The following WDPCP variants were observed in gnomAD, a reference collection of about 807,000 sequenced individuals.
The protein encoded by WDPCP is WD repeat containing planar cell polarity effector.
In WDPCP, 71 loss-of-function variants were observed where a neutral mutation model predicts 93.1. The ratio of observed to expected loss-of-function variants is 0.76; its 90% CI spans 0.63 to 0.93. The LOEUF (loss-of-function observed/expected upper bound fraction) is 0.93. Among genes scored for constraint, WDPCP ranks in the 40% least tolerant of loss-of-function variants. The pLI, the probability that WDPCP is intolerant of heterozygous loss-of-function variation, is 0.00. For missense variants in WDPCP, 844 were observed against 887.4 expected (o/e 0.95, Z 0.62); for synonymous variants, 315 against 315.0 (o/e 1.00, Z 0.00).
At chr2:63,569,845 G>C (rs1030158331) in intron 1 of WDPCP, among the ~76,000 whole-genome samples, 12 of 152,156 alleles carry the variant, frequency 7.9e-5, no homozygotes, top group Non-Finnish European at 1.3e-4. Context: ...AGGACTATCT[G>C]ACTATATATA....
chr2:63,556,318 G>A (rs969821859), intron 1 of WDPCP, among the ~76,000 whole-genome samples: 14 of 152,186 alleles, frequency 9.2e-5, no homozygotes, highest in Middle Eastern at 3.4e-3. Context: ...GAAAAGGAAC[G>A]AACAAAACCT....
chr2:63,388,986 G>C (rs1319989730), intron 10 of WDPCP, among the ~76,000 whole-genome samples: 1 of 152,090 alleles, frequency 6.6e-6, no homozygotes, highest in African/African-American at 2.4e-5. Context: ...CAGGATATTA[G>C]CAAGGAGAAC....
At chr2:63,657,211 T>TTTG (rs1558877062) in intron 2 of WDPCP, among the ~76,000 whole-genome samples, 2 of 146,232 alleles carry the variant, frequency 1.4e-5, no homozygotes, top group African/African-American at 2.6e-5. Context: ...TGATGTTTTT[T>TTTG]TTTTTTTTTT....
chr2:63,212,821 T>A (rs188663376), intron 14 of WDPCP, among the ~76,000 whole-genome samples: 27 of 148,132 alleles, frequency 1.8e-4, no homozygotes, highest in African/African-American at 6.4e-4. Flanking sequence ...GGGGTTGCAA[T>A]CCTAGTCTCT....
chr2:63,311,551 G>A (rs1426940105), intron 13 of WDPCP, among the ~76,000 whole-genome samples: 1 of 152,126 alleles, frequency 6.6e-6, no homozygotes, highest in South Asian at 2.1e-4. Flanking sequence ...ATGACTGTTT[G>A]CTTTTGCAAA....
chr2:63,680,238 G>C (rs537264427), intron 2 of WDPCP, among the ~76,000 whole-genome samples: 1 of 152,232 alleles, frequency 6.6e-6, no homozygotes, highest in Admixed American at 6.5e-5. Flanking sequence ...CACGGTACCT[G>C]GTTTTAATTT....
At chr2:63,834,821 A>G in the WDPCP span, among the ~76,000 whole-genome samples, 3 of 152,216 alleles carry the variant, frequency 2.0e-5, no homozygotes, top group African/African-American at 7.2e-5. Flanking sequence ...TGGATGGTGC[A>G]GCTCTGGTGG....
At chr2:63,418,664 C>T (rs974765416) in intron 9 of WDPCP, among the ~76,000 whole-genome samples, 2 of 151,782 alleles carry the variant, frequency 1.3e-5, no homozygotes, top group African/African-American at 2.4e-5. Flanking sequence ...CCTGTGATAA[C>T]GAACAGGGTA....
chr2:63,656,787 G>T (rs1710171904), intron 2 of WDPCP, among the ~76,000 whole-genome samples: 1 of 152,184 alleles, frequency 6.6e-6, no homozygotes, highest in East Asian at 1.9e-4. Context: ...AATAAACAAA[G>T]GCTATCAAGG....
At chr2:63,438,265 G>T (rs1475324703) in intron 7 of WDPCP, among the ~76,000 whole-genome samples, 1 of 151,902 alleles carries the variant, frequency 6.6e-6, no homozygotes, top group East Asian at 1.9e-4. Context: ...CTAGCATAAA[G>T]AAATTATTAA....
chr2:63,667,118 C>A (rs1036599219), intron 2 of WDPCP, among the ~76,000 whole-genome samples: 2 of 152,122 alleles, frequency 1.3e-5, no homozygotes. Context: ...AAATTATATG[C>A]ATTAAATAAG....
chr2:63,426,310 C>A (rs1266011676), intron 9 of WDPCP, among the ~76,000 whole-genome samples: 4 of 151,996 alleles, frequency 2.6e-5, no homozygotes, highest in Non-Finnish European at 5.9e-5. Context: ...TCACTGCACT[C>A]CAGCCTAGGT....
chr2:63,581,062 A>G (rs1478578108), intron 1 of WDPCP, among the ~76,000 whole-genome samples: 1 of 152,212 alleles, frequency 6.6e-6, no homozygotes, highest in Non-Finnish European at 1.5e-5. Flanking sequence ...ATTTCAAAAT[A>G]AAAGACTAAA....
intron 14 of WDPCP, among the ~76,000 whole-genome samples, chr2:63,218,136 T>C (rs1420788667): frequency 2.0e-5 from 3 of 152,182 alleles, no homozygotes; most frequent in Non-Finnish European, 2.9e-5. Flanking sequence ...CTAAAAGCTA[T>C]ACATTTGAAT....
intron 17 of WDPCP, among the ~76,000 whole-genome samples, chr2:63,129,154 C>T (rs1299189671): frequency 1.3e-5 from 2 of 152,126 alleles, no homozygotes; most frequent in Non-Finnish European, 2.9e-5. Flanking sequence ...ATGTATATAC[C>T]ACCTTTTGTT....
At chr2:63,128,537 G>A (rs1460663378) in intron 17 of WDPCP, among the ~76,000 whole-genome samples, 2 of 151,986 alleles carry the variant, frequency 1.3e-5, no homozygotes, top group African/African-American at 4.8e-5. Context: ...ACTTTAGTGG[G>A]ATTAGGCACA....
chr2:63,280,050 C>T (rs1286022493), intron 13 of WDPCP, among the ~76,000 whole-genome samples: 3 of 152,182 alleles, frequency 2.0e-5, no homozygotes, highest in African/African-American at 7.2e-5. Flanking sequence ...AATGGCCATA[C>T]TGTCAAAAGC....
At chr2:63,617,195 A>G (rs1279787411) in intron 3 of WDPCP, among the ~76,000 whole-genome samples, 1 of 152,208 alleles carries the variant, frequency 6.6e-6, no homozygotes, top group South Asian at 2.1e-4. Flanking sequence ...GTTTTAATGT[A>G]TTTGTTGGAG....
intron 14 of WDPCP, among the ~76,000 whole-genome samples, chr2:63,259,079 T>A (rs1331212266): frequency 1.3e-5 from 2 of 152,222 alleles, no homozygotes; most frequent in Non-Finnish European, 2.9e-5. Context: ...GACTTTTTGC[T>A]AAATGATGAC....
Sources: allele counts gnomAD v4.1 joint callset (sites outside exome capture counted in the v4.1 genomes callset), GRCh38; gene constraint gnomAD v4.1.1; transcripts MANE v1.5; gene names NCBI Gene and HGNC (gene_info 2026-07-23, HGNC 2026-07-21).